The following NEGR1 variants were observed in gnomAD, a reference collection of about 807,000 sequenced individuals.
NEGR1 encodes neuronal growth regulator 1.
Under a neutral mutation model 40.9 loss-of-function variants are expected in NEGR1, and 10 were observed. The ratio of observed to expected loss-of-function variants is 0.24; its 90% CI spans 0.15 to 0.42. NEGR1 has a LOEUF of 0.42. NEGR1 is among the 10% of genes least tolerant of loss of function. The pLI is 1.00. For synonymous variants in NEGR1, 185 were observed against 166.8 expected, an observed-to-expected ratio of 1.11 and a Z score of -0.84; for missense variants, 352 against 438.9, an observed-to-expected ratio of 0.80 and a Z score of 1.77.
chr1:71,866,279 G>T (rs1483933432), intron 2 of NEGR1, among the ~76,000 whole-genome samples: 2 of 152,058 alleles, frequency 1.3e-5, no homozygotes, highest in African/African-American at 4.8e-5. Context: ...CTCCTAAGTA[G>T]ACCATTAGCA....
intron 1 of NEGR1, among the ~76,000 whole-genome samples, chr1:72,117,661 C>A (rs1240316304): frequency 1.3e-5 from 2 of 151,744 alleles, no homozygotes; most frequent in Non-Finnish European, 2.9e-5. Context: ...AGGAATCTTC[C>A]TCTGTTTACC....
intron 1 of NEGR1, among the ~76,000 whole-genome samples, chr1:72,238,100 T>C (rs1654617629): frequency 6.6e-6 from 1 of 151,912 alleles, no homozygotes; most frequent in Non-Finnish European, 1.5e-5. Flanking sequence ...TTAACTTTCA[T>C]CAATTTCTAT....
intron 4 of NEGR1, among the ~76,000 whole-genome samples, chr1:71,685,598 G>GA (rs1170458367): frequency 1.3e-5 from 2 of 152,122 alleles, no homozygotes; most frequent in African/African-American, 4.8e-5. Flanking sequence ...GGGATTACAG[G>GA]CATGAGCCAC....
chr1:72,275,279 A>G, intron 1 of NEGR1: 2 of 502,730 alleles, frequency 4.0e-6, no homozygotes, highest in Non-Finnish European at 7.1e-6. Flanking sequence ...TCTGTAATAG[A>G]TACAGCAGAG....
intron 3 of NEGR1, among the ~76,000 whole-genome samples, chr1:71,724,271 C>T (rs1263856509): frequency 6.6e-6 from 1 of 152,120 alleles, no homozygotes; most frequent in Non-Finnish European, 1.5e-5. Flanking sequence ...TCCAGTGGAT[C>T]ACACCATACA....
intron 2 of NEGR1, among the ~76,000 whole-genome samples, chr1:71,853,476 G>A (rs1659671237): frequency 6.6e-6 from 1 of 151,956 alleles, no homozygotes; most frequent in South Asian, 2.1e-4. Flanking sequence ...AAAGACAATT[G>A]TGTCCAGTAT....
chr1:71,753,696 T>C (rs1000581837), intron 3 of NEGR1, among the ~76,000 whole-genome samples: 1 of 152,200 alleles, frequency 6.6e-6, no homozygotes, highest in Admixed American at 6.5e-5. Context: ...GCTGTCATTG[T>C]TTCTTTAATA....
rs575291629 is a variant in NEGR1, at chr1:72,268,031, C to T, written c.176+14288G>A. Among the ~76,000 whole-genome samples, 159 of 151,270 alleles carry T rather than the reference C, an allele frequency of 1.1e-3. 1 individual carries two copies. Among genetic ancestry groups the T allele is most frequent in the African/African-American group, 3.5e-3 (144 of 41,400 alleles). ...GAAGTAGAAACAATATGTGTGAGGTCGCCATGTCTTCAGACATACTCTACT... is the reference window on the plus strand; with the variant it reads ...GAAGTAGAAACAATATGTGTGAGGTTGCCATGTCTTCAGACATACTCTACT... On this transcript the variant is annotated intron_variant, in intron 1 of 6. Transcript: ENST00000357731.
chr1:71,839,198 CTTTTTTTT>C (rs140520810), intron 2 of NEGR1, among the ~76,000 whole-genome samples: 1 of 80,030 alleles, frequency 1.2e-5, no homozygotes, highest in African/African-American at 4.9e-5. Flanking sequence ...AGAGACCAGA[CTTTTTTTT>C]TTTTTTTTTT....
At chr1:72,264,682 T>G (rs1474267886) in intron 1 of NEGR1, among the ~76,000 whole-genome samples, 1 of 150,748 alleles carries the variant, frequency 6.6e-6, no homozygotes, top group Non-Finnish European at 1.5e-5. Context: ...CTTAAAAACT[T>G]TTTAAATATT....
chr1:71,553,549 AT>A (rs941617395), intron 6 of NEGR1, among the ~76,000 whole-genome samples: 7 of 151,666 alleles, frequency 4.6e-5, no homozygotes, highest in African/African-American at 1.7e-4. Flanking sequence ...CAAAGATGAA[AT>A]TTTAGATAAA....
chr1:71,631,112 T>C (rs1650955385), intron 4 of NEGR1, among the ~76,000 whole-genome samples: 1 of 151,954 alleles, frequency 6.6e-6, no homozygotes, highest in Non-Finnish European at 1.5e-5. Context: ...AATATTTGTG[T>C]GGGAATTAAT....
intron 1 of NEGR1, among the ~76,000 whole-genome samples, chr1:72,261,330 A>T (rs1655447378): frequency 6.6e-6 from 1 of 152,122 alleles, no homozygotes; most frequent in East Asian, 1.9e-4. Flanking sequence ...CAATTCTGTC[A>T]CATTTTAAAA....
intron 5 of NEGR1, among the ~76,000 whole-genome samples, chr1:71,595,170 C>A (rs962798509): frequency 2.0e-5 from 3 of 152,192 alleles, no homozygotes; most frequent in African/African-American, 7.2e-5. Flanking sequence ...TGTGTGGGCC[C>A]ATTTTGGGCC....
At chr1:72,248,603 T>TTATTATTAC (rs1420424074) in intron 1 of NEGR1, among the ~76,000 whole-genome samples, 4 of 146,578 alleles carry the variant, frequency 2.7e-5, no homozygotes, top group Non-Finnish European at 4.5e-5. Flanking sequence ...ATTATTATTA[T>TTATTATTAC]TATTATTATT....
chr1:71,630,141 A>G (rs1650924351), intron 4 of NEGR1, among the ~76,000 whole-genome samples: 1 of 152,030 alleles, frequency 6.6e-6, no homozygotes, highest in South Asian at 2.1e-4. Context: ...GAAAAGAAGA[A>G]TTTATTGGAC....
At chr1:71,439,432 G>A (rs1432853880) in intron 6 of NEGR1, among the ~76,000 whole-genome samples, 1 of 152,106 alleles carries the variant, frequency 6.6e-6, no homozygotes. Context: ...GTGTGATTTT[G>A]GCTCACTGCA....
chr1:71,816,516 TG>T (rs1301866890), intron 2 of NEGR1, among the ~76,000 whole-genome samples: 1 of 151,990 alleles, frequency 6.6e-6, no homozygotes, highest in East Asian at 1.9e-4. Context: ...GCAGGGGAAC[TG>T]CCCTTTATAA....
chr1:72,219,467 A>G (rs935741982), intron 1 of NEGR1, among the ~76,000 whole-genome samples: 8 of 152,072 alleles, frequency 5.3e-5, no homozygotes, highest in Non-Finnish European at 2.9e-5. Context: ...TTGGCATTTT[A>G]GAACTATTTT....
Sources: gnomAD v4.1 joint callset for allele counts (sites outside exome capture counted in the v4.1 genomes callset) on GRCh38, gnomAD v4.1.1 for gene constraint, MANE v1.5 for transcripts, NCBI Gene and HGNC (gene_info 2026-07-23, HGNC 2026-07-21) for gene names.